Variants in ADAMTSL1 observed in about 807,000 individuals in gnomAD.
ADAMTSL1 encodes the protein ADAMTS-like protein 1.
ADAMTSL1 carries 126 observed loss-of-function variants against 201.8 expected under a neutral mutation model. The ratio of observed to expected loss-of-function variants is 0.62; its 90% CI spans 0.54 to 0.72. The LOEUF is 0.72. Ranked by LOEUF, ADAMTSL1 falls within the 30% of genes least tolerant of loss-of-function variation. The probability of loss-of-function intolerance (pLI) is 0.00; values close to 1 mark genes in which losing one functional copy is unlikely to be tolerated. For missense variants in ADAMTSL1, 2,679 were observed against 2,277.8 expected (o/e 1.18, Z -3.59); for synonymous variants, 1,121 against 903.4 (o/e 1.24, Z -4.32).
At chr9:17,925,770 G>A (rs1826499676) in intron 1 of ADAMTSL1, among the ~76,000 whole-genome samples, 1 of 149,176 alleles carries the variant, frequency 6.7e-6, no homozygotes, top group African/African-American at 2.5e-5. Flanking sequence ...ACGAGTTAGT[G>A]GGTGCAGCGC....
rs773532868 is a variant in ADAMTSL1 at position 18,706,881 on chromosome 9, C to T, written c.1709C>T (p.Pro570Leu). The T allele has an allele frequency of 1.9e-5, 30 of 1,613,690 alleles. No individual in the cohort carries two copies. Among genetic ancestry groups the T allele is most frequent in the Non-Finnish European group, 2.5e-5 (30 of 1,179,850 alleles). The change falls in exon 14 of 29, where the codon CCC becomes CTC. Residue 570 changes from proline (P) to leucine (L), a missense_variant. Pro to Leu is a moderately conservative substitution (Grantham distance 98). Transcript: ENST00000380548. ...ADLPIDECEGPKPASQRACYA... is the reference protein window; with the variant it reads ...ADLPIDECEGLKPASQRACYA... ...CTGCCTATTGACGAGTGTGAAGGGC[C>T]CAAGCCAGCATCCCAGCGTGCCTGT...
chr9:18,795,574 A>C, intron 20 of ADAMTSL1, 50 bp downstream of exon 20: 1 of 1,536,560 alleles, frequency 6.5e-7, no homozygotes, highest in Non-Finnish European at 8.8e-7. Flanking sequence ...TTATTGAATG[A>C]GTGCCTATAG....
intron 15 of ADAMTSL1, among the ~76,000 whole-genome samples, chr9:18,729,044 T>C (rs1353715453): frequency 6.6e-6 from 1 of 152,240 alleles, no homozygotes; most frequent in African/African-American, 2.4e-5. Context: ...CTGTGTGATC[T>C]GGACCATAAC....
chr9:18,882,115 A>G (rs940664956), intron 23 of ADAMTSL1, among the ~76,000 whole-genome samples: 2 of 152,128 alleles, frequency 1.3e-5, no homozygotes, highest in African/African-American at 4.8e-5. Context: ...AGCCATAGTG[A>G]CCAACCTAGG....
At chr9:18,531,639 A>G (rs1819453784) in intron 2 of ADAMTSL1, among the ~76,000 whole-genome samples, 1 of 152,192 alleles carries the variant, frequency 6.6e-6, no homozygotes, top group South Asian at 2.1e-4. Flanking sequence ...CCTTCTGGTA[A>G]CATTCTCAAG....
At chr9:18,379,577 G>A (rs767603633) in intron 2 of ADAMTSL1, among the ~76,000 whole-genome samples, 1 of 152,182 alleles carries the variant, frequency 6.6e-6, no homozygotes, top group Non-Finnish European at 1.5e-5. Context: ...TTTTGACAAT[G>A]GGAATGAGCT....
At chr9:18,410,281 G>A (rs1818380510) in intron 2 of ADAMTSL1, among the ~76,000 whole-genome samples, 1 of 151,796 alleles carries the variant, frequency 6.6e-6, no homozygotes, top group Admixed American at 6.6e-5. Context: ...CGTGTGCCAT[G>A]GTGGTTTACT....
intron 4 of ADAMTSL1, among the ~76,000 whole-genome samples, chr9:18,616,411 T>C (rs1384205507): frequency 2.6e-5 from 4 of 152,186 alleles, no homozygotes; most frequent in African/African-American, 9.7e-5. Flanking sequence ...CTTGTATGTA[T>C]TTGCTCAGAT....
At chr9:18,335,264 A>G (rs551091244) in intron 2 of ADAMTSL1, among the ~76,000 whole-genome samples, 28 of 152,312 alleles carry the variant, frequency 1.8e-4, no homozygotes, top group African/African-American at 6.5e-4. Flanking sequence ...GACAGGCAGC[A>G]GGTGGAAAAT....
chr9:18,775,739 C>G lies in ADAMTSL1; in HGVS notation c.2398-4C>G. The G allele has an allele frequency of 1.2e-6, 2 of 1,612,330 alleles. No homozygotes were observed. Among genetic ancestry groups the G allele is most frequent in the Non-Finnish European group, 1.7e-6 (2 of 1,179,236 alleles). Reference sequence around the variant, plus strand: ...TGTGCATTTGGCCTTTCTTTCTCCACCAGTGTTCCACAAGCTGCGGGGAAG... The same window carrying G: ...TGTGCATTTGGCCTTTCTTTCTCCAGCAGTGTTCCACAAGCTGCGGGGAAG... On this transcript the variant is annotated splice_polypyrimidine_tract_variant and splice_region_variant and intron_variant, in intron 17 of 28. Coordinates refer to ENST00000380548, the MANE Select transcript of ADAMTSL1 (RefSeq NM_001040272.6).
At chr9:18,289,036 T>C (rs1833138935) in intron 2 of ADAMTSL1, among the ~76,000 whole-genome samples, 1 of 152,188 alleles carries the variant, frequency 6.6e-6, no homozygotes, top group Admixed American at 6.5e-5. Flanking sequence ...GAGTCTAAGT[T>C]AGAGGTAGTA....
chr9:18,336,157 A>G (rs374471497), intron 2 of ADAMTSL1, among the ~76,000 whole-genome samples: 2 of 152,294 alleles, frequency 1.3e-5, no homozygotes, highest in African/African-American at 4.8e-5. Context: ...TGAAACATTT[A>G]AAGAGTTTGT....
chr9:18,681,698 G>GTT, intron 11 of ADAMTSL1, 114 bp from the exon 12 acceptor site: 3 of 322,688 alleles, frequency 9.3e-6, no homozygotes, highest in Non-Finnish European at 4.6e-6. Flanking sequence ...GTCCTCGTGT[G>GTT]GGGGGGGGGG....
intron 3 of ADAMTSL1, among the ~76,000 whole-genome samples, chr9:18,563,697 A>G (rs1273956412): frequency 6.6e-6 from 1 of 152,218 alleles, no homozygotes; most frequent in African/African-American, 2.4e-5. Flanking sequence ...CCTTTCCTTC[A>G]GAGATGCCCT....
At chr9:18,743,392 A>C (rs1331376324) in intron 15 of ADAMTSL1, among the ~76,000 whole-genome samples, 3 of 152,132 alleles carry the variant, frequency 2.0e-5, no homozygotes, top group Admixed American at 6.6e-5. Flanking sequence ...TGCAAGTGCC[A>C]TTTTTTTCAA....
intron 3 of ADAMTSL1, among the ~76,000 whole-genome samples, chr9:18,554,174 T>TA (rs1042764883): frequency 9.3e-5 from 14 of 151,094 alleles, no homozygotes; most frequent in East Asian, 5.9e-4. Flanking sequence ...GTTTTTTTTT[T>TA]AAATCTACAT....
chr9:18,715,502 T>G (rs1177747843), intron 14 of ADAMTSL1, among the ~76,000 whole-genome samples: 1 of 151,994 alleles, frequency 6.6e-6, no homozygotes, highest in African/African-American at 2.4e-5. Flanking sequence ...TCAAAGAGGA[T>G]AAAATACCTA....
intron 23 of ADAMTSL1, among the ~76,000 whole-genome samples, chr9:18,853,231 A>G (rs1295126508): frequency 2.6e-5 from 4 of 152,214 alleles, no homozygotes; most frequent in African/African-American, 9.7e-5. Flanking sequence ...TGACTGCCCA[A>G]CAGGTTGTTT....
At chr9:18,839,478 G>C (rs1192479398) in intron 23 of ADAMTSL1, among the ~76,000 whole-genome samples, 3 of 152,068 alleles carry the variant, frequency 2.0e-5, no homozygotes, top group Non-Finnish European at 4.4e-5. Context: ...ATTGTGAATA[G>C]TGCCGCAATA....
Sources: allele counts gnomAD v4.1 joint callset (sites outside exome capture counted in the v4.1 genomes callset), GRCh38; gene constraint gnomAD v4.1.1; transcripts MANE v1.5; gene names NCBI Gene and HGNC (gene_info 2026-07-23, HGNC 2026-07-21).